The following SNTB1 variants were observed in gnomAD, a reference collection of about 807,000 sequenced individuals.
SNTB1 encodes syntrophin beta 1, also known as beta-1-syntrophin.
Under a neutral mutation model 48.9 loss-of-function variants are expected in SNTB1, and 36 were observed. The ratio of observed to expected loss-of-function variants is 0.74; its 90% CI spans 0.56 to 0.97. The LOEUF (loss-of-function observed/expected upper bound fraction) is 0.97, where lower values mean the gene tolerates loss of function less well. Among genes scored for constraint, SNTB1 ranks in the 50% least tolerant of loss-of-function variants. The pLI, the probability that SNTB1 is intolerant of heterozygous loss-of-function variation, is 0.00. For synonymous variants in SNTB1, 299 were observed against 294.6 expected (o/e 1.01, Z -0.15); for missense variants, 786 against 703.4 (o/e 1.12, Z -1.33).
chr8:120,604,244 C>G (rs1816474167), intron 3 of SNTB1, among the ~76,000 whole-genome samples: 1 of 152,178 alleles, frequency 6.6e-6, no homozygotes, highest in African/African-American at 2.4e-5. Context: ...GCGTCTCTGT[C>G]AGTATAGTCA....
At chr8:120,799,864 T>C (rs911352156) in intron 1 of SNTB1, among the ~76,000 whole-genome samples, 109 of 152,176 alleles carry the variant, frequency 7.2e-4, no homozygotes, top group Non-Finnish European at 1.5e-5. Context: ...TCCTAAAAAC[T>C]TGACACCTAC....
At chr8:120,763,013 G>C (rs1325080307) in intron 1 of SNTB1, among the ~76,000 whole-genome samples, 1 of 152,140 alleles carries the variant, frequency 6.6e-6, no homozygotes, top group Non-Finnish European at 1.5e-5. Context: ...GAGGTTCATA[G>C]CCAGGCACAG....
At chr8:120,578,248 G>C (rs529077552) in intron 3 of SNTB1, among the ~76,000 whole-genome samples, 3 of 150,726 alleles carry the variant, frequency 2.0e-5, no homozygotes, top group African/African-American at 7.3e-5. Context: ...CACTGTGTTA[G>C]CCAGGATGGT....
chr8:120,615,021 C>T (rs951025217), intron 3 of SNTB1, among the ~76,000 whole-genome samples: 3 of 145,042 alleles, frequency 2.1e-5, no homozygotes, highest in Non-Finnish European at 3.0e-5. Context: ...TGTGGTGGCA[C>T]GCACCTGTAG....
rs560464240 is a variant in SNTB1 at position 120,811,160 on chromosome 8, C to A, written c.571+113G>T. 612 of 1,375,220 alleles carry A rather than the reference C, an allele frequency of 4.5e-4. 1 individual carries two copies. The highest frequency in any genetic ancestry group is 5.7e-4 in the Non-Finnish European group (595 of 1,040,046). The allele number at this position is 1,375,220 out of a possible 1,614,324, so 85.2% of individuals were successfully genotyped here. ...CCCCCCCCAACACACACACACCCGG[C>A]CCCCTGGGGTGTGTCCGCATGTGGC... On this transcript the variant is annotated intron_variant, in intron 1 of 6. Coordinates refer to ENST00000517992, the MANE Select transcript of SNTB1 (RefSeq NM_021021.4).
intron 3 of SNTB1, among the ~76,000 whole-genome samples, chr8:120,585,955 G>A (rs1486373235): frequency 6.6e-6 from 1 of 152,212 alleles, no homozygotes. Context: ...CGAGATATTT[G>A]TAGTCTAGGA....
intron 4 of SNTB1, among the ~76,000 whole-genome samples, chr8:120,555,559 G>A (rs1815553406): frequency 6.6e-6 from 1 of 152,132 alleles, no homozygotes; most frequent in Non-Finnish European, 1.5e-5. Context: ...GTTCCTGCCG[G>A]CATTCACCCC....
At chr8:120,727,326 T>C (rs1225775919) in intron 1 of SNTB1, among the ~76,000 whole-genome samples, 1 of 152,186 alleles carries the variant, frequency 6.6e-6, no homozygotes, top group African/African-American at 2.4e-5. Flanking sequence ...ATAAGACCAT[T>C]TGATGCAGAC....
chr8:120,621,641 G>T (rs1275157602), intron 3 of SNTB1, among the ~76,000 whole-genome samples: 2 of 152,108 alleles, frequency 1.3e-5, no homozygotes, highest in East Asian at 3.9e-4. Context: ...GTAGTAATAG[G>T]CATTATGAGT....
At chr8:120,603,976 G>T (rs893691999) in intron 3 of SNTB1, among the ~76,000 whole-genome samples, 9 of 152,128 alleles carry the variant, frequency 5.9e-5, no homozygotes, top group Admixed American at 2.0e-4. Context: ...TCAGGCCAAG[G>T]CTTTGTCAAA....
chr8:120,785,023 G>A (rs1819898419), intron 1 of SNTB1, among the ~76,000 whole-genome samples: 1 of 152,316 alleles, frequency 6.6e-6, no homozygotes, highest in East Asian at 1.9e-4. Flanking sequence ...AGTGGCATCA[G>A]GATGTCATCT....
rs1480627798 is a variant in SNTB1 at position 120,555,493 on chromosome 8, CG to C, written c.1137-6536del. 2.0e-5 allele frequency among the ~76,000 whole-genome samples: 3 copies of C among 152,234 alleles called. No individual in the cohort carries two copies. The East Asian group carries it at 5.8e-4, about 29-fold the overall frequency. On this transcript the variant is annotated intron_variant, in intron 4 of 6. Transcript: ENST00000517992. ...CATCTTGTCTGCTTCTTGCTGTACA[CG>C]TGGCCGGCAGAGAAGGGAAGATAGA...
At chr8:120,660,152 A>G (rs970503994) in intron 2 of SNTB1, among the ~76,000 whole-genome samples, 1 of 151,204 alleles carries the variant, frequency 6.6e-6, no homozygotes, top group African/African-American at 2.5e-5. Flanking sequence ...TAAAGTTACG[A>G]ACTATATTAG....
chr8:120,766,889 T>C (rs78387513), intron 1 of SNTB1, among the ~76,000 whole-genome samples: 5,808 of 152,298 alleles, frequency 0.038, 375 homozygotes, highest in African/African-American at 0.13. Context: ...ACTATTTCTT[T>C]TCCTAAATAG....
At chr8:120,720,266 G>A (rs1818636484) in intron 1 of SNTB1, among the ~76,000 whole-genome samples, 1 of 152,186 alleles carries the variant, frequency 6.6e-6, no homozygotes, top group South Asian at 2.1e-4. Context: ...TCCCTCCTTG[G>A]CCCCTGTCTG....
intron 3 of SNTB1, among the ~76,000 whole-genome samples, chr8:120,588,075 GA>G (rs201128248): frequency 1.3e-5 from 2 of 150,852 alleles, no homozygotes; most frequent in East Asian, 1.9e-4. Context: ...GGCTCTTTGG[GA>G]AAAAAAAATG....
intron 3 of SNTB1, among the ~76,000 whole-genome samples, chr8:120,602,905 TA>T (rs1395086600): frequency 6.6e-6 from 1 of 151,976 alleles, no homozygotes; most frequent in Non-Finnish European, 1.5e-5. Context: ...AAAAAGCGTT[TA>T]AACATTAATA....
intron 1 of SNTB1, among the ~76,000 whole-genome samples, chr8:120,781,175 G>T (rs1486070309): frequency 6.6e-6 from 1 of 152,178 alleles, no homozygotes; most frequent in East Asian, 1.9e-4. Flanking sequence ...GGAGCAAAGA[G>T]ATAATGTCTA....
chr8:120,757,474 G>A (rs1444626675), intron 1 of SNTB1, among the ~76,000 whole-genome samples: 3 of 152,190 alleles, frequency 2.0e-5, no homozygotes, highest in Admixed American at 6.5e-5. Flanking sequence ...ATGTTGTAAT[G>A]TGCCAAGTAG....
Sources: gnomAD v4.1 joint callset for allele counts (sites outside exome capture counted in the v4.1 genomes callset) on GRCh38, gnomAD v4.1.1 for gene constraint, MANE v1.5 for transcripts, NCBI Gene and HGNC (gene_info 2026-07-23, HGNC 2026-07-21) for gene names.